The following PRTFDC1 variants were observed in gnomAD, a reference collection of about 807,000 sequenced individuals.
The protein encoded by PRTFDC1 is phosphoribosyltransferase domain-containing protein 1.
Under a neutral mutation model 34.6 loss-of-function variants are expected in PRTFDC1, and 38 were observed. That is an observed-to-expected ratio of 1.10 (90% CI 0.85 to 1.44). PRTFDC1 has a LOEUF of 1.44. PRTFDC1 is among the 40% of genes most tolerant of loss of function. The probability of loss-of-function intolerance (pLI) is 0.00; values close to 1 mark genes in which losing one functional copy is unlikely to be tolerated. For synonymous variants in PRTFDC1, 93 were observed against 98.1 expected, an observed-to-expected ratio of 0.95 and a Z score of 0.31; for missense variants, 270 against 283.0, an observed-to-expected ratio of 0.95 and a Z score of 0.33.
intron 3 of PRTFDC1, among the ~76,000 whole-genome samples, chr10:24,924,718 A>G (rs1432592120): frequency 6.6e-6 from 1 of 152,226 alleles, no homozygotes; most frequent in Admixed American, 6.5e-5. Context: ...ATGAAAAAAA[A>G]ATGCTCATCA....
chr10:24,895,711 A>ATATC (rs1848348210), intron 3 of PRTFDC1, among the ~76,000 whole-genome samples: 1 of 137,906 alleles, frequency 7.3e-6, no homozygotes, highest in Non-Finnish European at 1.6e-5. Context: ...ATATATATAT[A>ATATC]TATATATATA....
intron 4 of PRTFDC1, among the ~76,000 whole-genome samples, chr10:24,862,654 C>G (rs903539116): frequency 6.6e-6 from 1 of 151,858 alleles, no homozygotes; most frequent in Non-Finnish European, 1.5e-5. Flanking sequence ...TTTATTGCAC[C>G]TTACAGAGAC....
chr10:24,949,995 A>G (rs200897689), intron 1 of PRTFDC1, among the ~76,000 whole-genome samples: 1 of 152,028 alleles, frequency 6.6e-6, no homozygotes, highest in African/African-American at 2.4e-5. Flanking sequence ...CGGCCTCCCA[A>G]AGTGGTGGGA....
chr10:24,880,932 C>CTT (rs1848068028), intron 3 of PRTFDC1, among the ~76,000 whole-genome samples: 1 of 139,950 alleles, frequency 7.1e-6, no homozygotes, highest in Non-Finnish European at 1.5e-5. Context: ...TCTTTCTTTC[C>CTT]CCTTTCTTTC....
At position 24,952,491 on chromosome 10, in the gene PRTFDC1, A is replaced by G. The variant is rs761932185; in HGVS notation, c.48+37T>C. The G allele has an allele frequency of 2.6e-6, 4 of 1,559,576 alleles. No individual in the cohort carries two copies. Among genetic ancestry groups the G allele is most frequent in the South Asian group, 2.4e-5 (2 of 84,888 alleles). ...AAGCAGGGTGCCAGGGAGGGAGGGGAGCGGGCCGAGCCCCAAAATAGGGAG... is the reference window on the plus strand; with the variant it reads ...AAGCAGGGTGCCAGGGAGGGAGGGGGGCGGGCCGAGCCCCAAAATAGGGAG... On this transcript the variant is annotated intron_variant, in intron 1 of 8. Transcript: ENST00000320152. The surrounding 1 kb of genome is among the most constrained non-coding windows in gnomAD (Gnocchi z 5.1).
At chr10:24,876,893 T>C (rs944063198) in intron 3 of PRTFDC1, among the ~76,000 whole-genome samples, 2 of 127,960 alleles carry the variant, frequency 1.6e-5, no homozygotes, top group Non-Finnish European at 3.1e-5. Context: ...ACTGGTACAC[T>C]GGAGTCTAGG....
At chr10:24,907,553 G>A (rs575732106) in intron 3 of PRTFDC1, among the ~76,000 whole-genome samples, 11 of 152,160 alleles carry the variant, frequency 7.2e-5, no homozygotes, top group Non-Finnish European at 1.2e-4. Context: ...CTGAGATCAC[G>A]CCACTGCATT....
intron 7 of PRTFDC1, 147 bp from the exon 8 acceptor site, chr10:24,851,611 T>G (rs1020555283): frequency 2.3e-5 from 31 of 1,343,214 alleles, no homozygotes; most frequent in Non-Finnish European, 3.1e-5. Context: ...ATGCACACGA[T>G]GAGCCCAAGA....
At chr10:24,929,675 A>T (rs1848941198) in intron 3 of PRTFDC1, among the ~76,000 whole-genome samples, 1 of 152,200 alleles carries the variant, frequency 6.6e-6, no homozygotes, top group African/African-American at 2.4e-5. Flanking sequence ...ATTACACTTT[A>T]TCCTCACATT....
At chr10:24,853,566 C>T (rs1847527057) in intron 7 of PRTFDC1, among the ~76,000 whole-genome samples, 2 of 152,000 alleles carry the variant, frequency 1.3e-5, no homozygotes, top group African/African-American at 2.4e-5. Flanking sequence ...CAAGATCACG[C>T]CACTGCACTG....
intron 1 of PRTFDC1, among the ~76,000 whole-genome samples, chr10:24,944,069 C>G (rs1441425361): frequency 6.6e-6 from 1 of 152,092 alleles, no homozygotes; most frequent in Non-Finnish European, 1.5e-5. Flanking sequence ...TCCTCTCTCC[C>G]CCTTTCCTCC....
intron 3 of PRTFDC1, among the ~76,000 whole-genome samples, chr10:24,875,846 GTTT>G (rs61379088): frequency 0.15 from 14,723 of 96,750 alleles, 1,109 homozygotes; most frequent in Non-Finnish European, 0.19. Flanking sequence ...AATTCTCATA[GTTT>G]TTTTTTTTTT....
At chr10:24,921,714 GAAAA>G (rs56835819) in intron 3 of PRTFDC1, among the ~76,000 whole-genome samples, 4 of 125,172 alleles carry the variant, frequency 3.2e-5, no homozygotes, top group Admixed American at 8.3e-5. Context: ...TGTTCTCTAG[GAAAA>G]AAAAAAAAAA....
chr10:24,872,405 T>C (rs2478094), intron 3 of PRTFDC1, among the ~76,000 whole-genome samples: 129,731 of 152,124 alleles, frequency 0.85, 55,511 homozygotes, highest in African/African-American at 0.92. Flanking sequence ...TGCTTCTGTG[T>C]TTTGCCTAGC....
chr10:24,871,622 C>T (rs528965344), intron 4 of PRTFDC1, among the ~76,000 whole-genome samples: 4 of 147,806 alleles, frequency 2.7e-5, no homozygotes, highest in Non-Finnish European at 4.4e-5. Context: ...GTCTTACTGA[C>T]GTGCCTGGGT....
intron 3 of PRTFDC1, among the ~76,000 whole-genome samples, chr10:24,934,672 C>T (rs1386012776): frequency 6.6e-6 from 1 of 152,198 alleles, no homozygotes; most frequent in Non-Finnish European, 1.5e-5. Flanking sequence ...GATCTGGAAG[C>T]TGCCGCTTCT....
chr10:24,923,463 C>T (rs1848821695), intron 3 of PRTFDC1, among the ~76,000 whole-genome samples: 1 of 152,206 alleles, frequency 6.6e-6, no homozygotes, highest in South Asian at 2.1e-4. Context: ...AAGGATCAGG[C>T]AGCAATATTT....
chr10:24,944,033 T>C (rs1849213295), intron 1 of PRTFDC1, among the ~76,000 whole-genome samples: 1 of 152,124 alleles, frequency 6.6e-6, no homozygotes, highest in African/African-American at 2.4e-5. Context: ...TGGGTTTCAT[T>C]CATTCATTTG....
intron 3 of PRTFDC1, among the ~76,000 whole-genome samples, chr10:24,925,999 C>G (rs1007616456): frequency 6.6e-6 from 1 of 152,202 alleles, no homozygotes; most frequent in African/African-American, 2.4e-5. Flanking sequence ...GTGCCCACGT[C>G]TCTTCCTGGG....
Sources: gnomAD v4.1 joint callset for allele counts (sites outside exome capture counted in the v4.1 genomes callset) on GRCh38, gnomAD v4.1.1 for gene constraint, Gnocchi (gnomAD v3.1) non-coding constraint, MANE v1.5 for transcripts, NCBI Gene and HGNC (gene_info 2026-07-23, HGNC 2026-07-21) for gene names.